The following PDE4D variants were observed in gnomAD, a reference collection of about 807,000 sequenced individuals.
PDE4D encodes phosphodiesterase 4D, also known as 3',5'-cyclic-AMP phosphodiesterase 4D.
Under a neutral mutation model 87.4 loss-of-function variants are expected in PDE4D, and 24 were observed. The observed-to-expected ratio is 0.27, with a 90% confidence interval of 0.20 to 0.39. The LOEUF (loss-of-function observed/expected upper bound fraction) is 0.39. Among genes scored for constraint, PDE4D ranks in the 10% least tolerant of loss-of-function variants. The pLI is 1.00. For synonymous variants in PDE4D, 384 were observed against 383.2 expected (o/e 1.00, Z -0.02); for missense variants, 714 against 1,041.0 (o/e 0.69, Z 4.32).
At chr5:60,219,234 C>T (rs1744214263) in intron 1 of PDE4D, among the ~76,000 whole-genome samples, 1 of 152,120 alleles carries the variant, frequency 6.6e-6, no homozygotes, top group Admixed American at 6.5e-5. Context: ...AAGCAGTAAA[C>T]ATATCCTTAT....
At chr5:60,324,829 C>A (rs73106750) in intron 1 of PDE4D, among the ~76,000 whole-genome samples, 13,439 of 152,048 alleles carry the variant, frequency 0.088, 1,958 homozygotes, top group African/African-American at 0.31. Context: ...ATGGTTTCAC[C>A]GTAGGATTTG....
At chr5:59,819,017 A>G (rs1394892652) in intron 1 of PDE4D, among the ~76,000 whole-genome samples, 6 of 152,198 alleles carry the variant, frequency 3.9e-5, no homozygotes, top group African/African-American at 2.4e-5. Context: ...GACCTGGAGA[A>G]GGGGATTATA....
chr5:59,189,248 T>G (rs1198788296), intron 3 of PDE4D, among the ~76,000 whole-genome samples: 1 of 103,616 alleles, frequency 9.7e-6, no homozygotes. Flanking sequence ...TTTTTTGTTT[T>G]TTTTGTTTTT....
intron 3 of PDE4D, among the ~76,000 whole-genome samples, chr5:59,947,887 A>G (rs1757884922): frequency 6.6e-6 from 1 of 152,116 alleles, no homozygotes; most frequent in Admixed American, 6.5e-5. Context: ...CACGCCTATA[A>G]TCCCAGCTAC....
intron 1 of PDE4D, among the ~76,000 whole-genome samples, chr5:59,251,321 C>T (rs1307945916): frequency 6.6e-6 from 1 of 151,968 alleles, no homozygotes. Context: ...GGAACTTAAA[C>T]AAATTTAGAA....
chr5:59,403,158 CAGACAGACAGACAGACAGAT>C (rs1209041134), intron 1 of PDE4D, among the ~76,000 whole-genome samples: 1 of 103,000 alleles, frequency 9.7e-6, no homozygotes, highest in Non-Finnish European at 2.0e-5. Flanking sequence ...GACAGACAGA[CAGACAGACAGACAGACAGAT>C]AGATAGATAG....
intron 1 of PDE4D, among the ~76,000 whole-genome samples, chr5:59,314,997 G>T (rs185879179): frequency 1.3e-5 from 2 of 152,222 alleles, no homozygotes; most frequent in East Asian, 1.9e-4. Context: ...ATGCCTTGTT[G>T]GGGGGAAAGA....
intron 1 of PDE4D, among the ~76,000 whole-genome samples, chr5:59,524,082 G>T (rs1812669857): frequency 6.6e-6 from 1 of 152,190 alleles, no homozygotes; most frequent in Non-Finnish European, 1.5e-5. Flanking sequence ...TTGGTACTGA[G>T]AGTAGTGTGG....
intron 2 of PDE4D, among the ~76,000 whole-genome samples, chr5:60,052,412 A>G (rs550223591): frequency 6.6e-6 from 1 of 152,330 alleles, no homozygotes; most frequent in Non-Finnish European, 1.5e-5. Context: ...ATAACCCATC[A>G]CATAAACAGA....
At chr5:59,448,143 C>T (rs1160977011) in intron 1 of PDE4D, among the ~76,000 whole-genome samples, 4 of 152,146 alleles carry the variant, frequency 2.6e-5, no homozygotes, top group African/African-American at 7.2e-5. Context: ...GGCTGACACA[C>T]GGATGTTGAG....
At chr5:59,914,865 G>GT (rs1349786605) in intron 3 of PDE4D, among the ~76,000 whole-genome samples, 6 of 93,900 alleles carry the variant, frequency 6.4e-5, no homozygotes, top group Admixed American at 3.4e-4. Flanking sequence ...TTACTGATAG[G>GT]GGTGTGTGTG....
intron 1 of PDE4D, among the ~76,000 whole-genome samples, chr5:60,445,395 A>G (rs1745568602): frequency 6.6e-6 from 1 of 152,200 alleles, no homozygotes; most frequent in Non-Finnish European, 1.5e-5. Context: ...AGATTATTCA[A>G]CAAATCATTA....
chr5:60,399,041 G>A (rs977270097), intron 1 of PDE4D, among the ~76,000 whole-genome samples: 2 of 152,148 alleles, frequency 1.3e-5, no homozygotes, highest in Non-Finnish European at 2.9e-5. Context: ...ATTTATAGAG[G>A]AGGAAAAGCC....
At chr5:59,078,128 A>G (rs1417037079) in intron 5 of PDE4D, among the ~76,000 whole-genome samples, 2 of 152,184 alleles carry the variant, frequency 1.3e-5, no homozygotes, top group African/African-American at 2.4e-5. Context: ...TTTAAAAACC[A>G]ATGTAATACA....
At chr5:59,576,833 CT>C (rs1162315560) in intron 1 of PDE4D, among the ~76,000 whole-genome samples, 1 of 152,164 alleles carries the variant, frequency 6.6e-6, no homozygotes, top group Admixed American at 6.5e-5. Context: ...AAAAATAGGA[CT>C]TTTCCCACAA....
chr5:60,324,275 ATTGT>A (rs749718738), intron 1 of PDE4D, among the ~76,000 whole-genome samples: 10 of 152,214 alleles, frequency 6.6e-5, no homozygotes, highest in Non-Finnish European at 1.5e-4. Context: ...ACTGTAAGAG[ATTGT>A]TTGTCTAACA....
At chr5:60,201,765 C>A (rs1434336911) in intron 1 of PDE4D, among the ~76,000 whole-genome samples, 3 of 152,042 alleles carry the variant, frequency 2.0e-5, no homozygotes, top group African/African-American at 7.3e-5. Flanking sequence ...ACAATATTAA[C>A]AAAGGAGTAA....
intron 6 of PDE4D, among the ~76,000 whole-genome samples, chr5:59,000,170 C>T (rs1172702572): frequency 6.6e-6 from 1 of 152,128 alleles, no homozygotes; most frequent in Non-Finnish European, 1.5e-5. Flanking sequence ...ACGGGGCTTC[C>T]CTCTTGCAGT....
chr5:60,164,567 G>A (rs1782728466), intron 2 of PDE4D, among the ~76,000 whole-genome samples: 1 of 152,132 alleles, frequency 6.6e-6, no homozygotes, highest in South Asian at 2.1e-4. Context: ...GAATATCTGT[G>A]TCACTACTTA....
Sources: gnomAD v4.1 joint callset for allele counts (sites outside exome capture counted in the v4.1 genomes callset) on GRCh38, gnomAD v4.1.1 for gene constraint, MANE v1.5 for transcripts, NCBI Gene and HGNC (gene_info 2026-07-23, HGNC 2026-07-21) for gene names.